TENT5C: variants seen among roughly 807,000 people sequenced by gnomAD.
TENT5C encodes terminal nucleotidyltransferase 5C.
TENT5C carries 5 observed loss-of-function variants against 22.2 expected under a neutral mutation model. The ratio of observed to expected loss-of-function variants is 0.22; its 90% confidence interval spans 0.12 to 0.47. The LOEUF is 0.47. TENT5C is among the 20% of genes least tolerant of loss of function. The pLI is 0.99. For missense variants in TENT5C, 364 were observed against 500.9 expected, an observed-to-expected ratio of 0.73 and a Z score of 2.61; for synonymous variants, 199 against 195.4, an observed-to-expected ratio of 1.02 and a Z score of -0.15.
At position 117,626,914 on chromosome 1, in the gene TENT5C, C is replaced by G. The variant is rs1654026124; in HGVS notation, c.*2870C>G. On this transcript the variant is annotated 3_prime_UTR_variant, in exon 2 of 2. Transcript: ENST00000369448. ...AGCATCAGTGAGATGAAGACAGTAC[C>G]TTTTCCTCTCACATTGGCAGAATAG... The G allele has an allele frequency of 8.1e-6, 2 of 248,028 alleles. No individual in the cohort carries two copies. Among genetic ancestry groups the G allele is most frequent in the Non-Finnish European group, 1.7e-5 (2 of 118,146 alleles). 15.4% of individuals were successfully genotyped at this position (248,028 alleles called of 1,614,324 possible).
intron 1 of TENT5C, among the ~76,000 whole-genome samples, chr1:117,611,619 T>C (rs1337040300): frequency 6.6e-6 from 1 of 152,156 alleles, no homozygotes; most frequent in African/African-American, 2.4e-5. Context: ...GGCAGGAGGA[T>C]CCCTTGAGTC....
chr1:117,607,321 A>G lies in TENT5C; in HGVS notation c.-28+1168A>G, dbSNP rs569406720. Among the ~76,000 whole-genome samples the G allele has an allele frequency of 5.3e-5, 8 of 152,300 alleles. No individual in the cohort carries two copies. In the South Asian group the frequency reaches 1.7e-3, roughly 32 times the overall value. On this transcript the variant is annotated intron_variant, in intron 1 of 1. Transcript: ENST00000369448. ...GGTAGGCTTTTGTAGGGCTCTAACC[A>G]GTTCCCTGGCTTAATTAAGTAGGGG...
chr1:117,615,779 T>A lies in TENT5C; in HGVS notation c.-27-7063T>A, dbSNP rs555400206. On this transcript the variant is annotated intron_variant, in intron 1 of 1. Coordinates refer to ENST00000369448, the MANE Select transcript of TENT5C (RefSeq NM_017709.4). ...TGGTGTCTCTGTGGCAGGGGGCACC[T>A]CTAAGCCACCTGGCATCTTTTGCTT... 3.9e-5 allele frequency among the ~76,000 whole-genome samples: 6 copies of A among 152,358 alleles called. No homozygotes were observed. In the South Asian group the frequency reaches 1.2e-3, roughly 32 times the overall value.
At position 117,624,237 on chromosome 1, in the gene TENT5C, A is replaced by G; in HGVS notation, c.*193A>G. The G allele has an allele frequency of 1.7e-6, 1 of 573,506 alleles. No individual in the cohort carries two copies. The highest frequency in any genetic ancestry group is 2.9e-5 in the East Asian group (1 of 34,956). The allele number at this position is 573,506 out of a possible 1,614,324, so 35.5% of individuals were successfully genotyped here. On this transcript the variant is annotated 3_prime_UTR_variant, in exon 2 of 2. Coordinates refer to ENST00000369448, the MANE Select transcript of TENT5C (RefSeq NM_017709.4). Reference sequence around the variant, plus strand: ...TGTATCATGAGCCAACCCTCAAAGGACCCGTATTACAGTGCCACGTTGGAA... The same window carrying G: ...TGTATCATGAGCCAACCCTCAAAGGGCCCGTATTACAGTGCCACGTTGGAA...
intron 1 of TENT5C, among the ~76,000 whole-genome samples, chr1:117,611,390 G>C (rs1247888006): frequency 1.3e-5 from 2 of 152,222 alleles, no homozygotes; most frequent in African/African-American, 2.4e-5. Context: ...GCTGACTTTA[G>C]CTGTGGGGAG....
At chr1:117,621,670 C>T (rs555684497) in intron 1 of TENT5C, among the ~76,000 whole-genome samples, 1 of 152,228 alleles carries the variant, frequency 6.6e-6, no homozygotes, top group Admixed American at 6.5e-5. Flanking sequence ...TTATGTGGGT[C>T]TAGCAAGTCA....
At chr1:117,614,847 C>T (rs1471118111) in intron 1 of TENT5C, among the ~76,000 whole-genome samples, 1 of 152,172 alleles carries the variant, frequency 6.6e-6, no homozygotes, top group Non-Finnish European at 1.5e-5. Flanking sequence ...TGTGCAGCAC[C>T]TTCCACTCTT....
chr1:117,627,575 G>T lies in TENT5C; in HGVS notation c.*3531G>T, dbSNP rs1014206019. 2 of 248,030 alleles carry T rather than the reference G, an allele frequency of 8.1e-6. No homozygotes were observed. Among genetic ancestry groups the T allele is most frequent in the African/African-American group, 4.4e-5 (2 of 45,340 alleles). 15.4% of individuals were successfully genotyped at this position (248,030 alleles called of 1,614,324 possible). On this transcript the variant is annotated 3_prime_UTR_variant, in exon 2 of 2. Coordinates refer to ENST00000369448, the MANE Select transcript of TENT5C (RefSeq NM_017709.4). ...ACGCTCATAGAGGCCATTCCTTCCTGGGTGTCGGACCAGGGCTCTGTGTCA... is the reference window on the plus strand; with the variant it reads ...ACGCTCATAGAGGCCATTCCTTCCTTGGTGTCGGACCAGGGCTCTGTGTCA...
chr1:117,615,731 C>G (rs753654222), intron 1 of TENT5C, among the ~76,000 whole-genome samples: 6 of 152,226 alleles, frequency 3.9e-5, no homozygotes, highest in Admixed American at 1.3e-4. Context: ...TTCCCACACA[C>G]TATGGCAATA....
chr1:117,621,824 GT>G (rs1391823912), intron 1 of TENT5C, among the ~76,000 whole-genome samples: 1 of 152,108 alleles, frequency 6.6e-6, no homozygotes, highest in African/African-American at 2.4e-5. Flanking sequence ...ATGAGTATTT[GT>G]TTTTATATAT....
chr1:117,612,347 C>CT (rs373447232), intron 1 of TENT5C, among the ~76,000 whole-genome samples: 56,443 of 145,170 alleles, frequency 0.39, 10,995 homozygotes, highest in African/African-American at 0.46. Flanking sequence ...GGTGCTCATT[C>CT]TTTTTTTTTT....
intron 1 of TENT5C, among the ~76,000 whole-genome samples, chr1:117,611,518 T>G (rs1653671543): frequency 6.6e-6 from 1 of 152,156 alleles, no homozygotes; most frequent in Non-Finnish European, 1.5e-5. Flanking sequence ...CACGATTAAC[T>G]TCCTAGTAGT....
In TENT5C at chr1:117,624,032, G is replaced by T; in HGVS notation, c.1164G>T (p.Leu388=). 2 of 1,612,066 alleles carry T rather than the reference G, an allele frequency of 1.2e-6. No individual in the cohort carries two copies. The highest frequency in any genetic ancestry group is 1.7e-6 in the Non-Finnish European group (2 of 1,178,890). ...ACAGCCAGCCTTACCCTACCTGGCT[G>T]CCCTGTAACTAACCTTGAGACCTGA... ...VTYSQPYPTW[L]PCN The change falls in exon 2 of 2, where the codon CTG becomes CTT. Residue 388 remains leucine, a synonymous_variant. Transcript: ENST00000369448.
chr1:117,615,759 T>C (rs1388742268), intron 1 of TENT5C, among the ~76,000 whole-genome samples: 1 of 152,222 alleles, frequency 6.6e-6, no homozygotes, highest in Non-Finnish European at 1.5e-5. Context: ...TTCCTTGGTG[T>C]CTCTGTGGCA....
chr1:117,621,597 C>T (rs900332212), intron 1 of TENT5C, among the ~76,000 whole-genome samples: 2 of 152,082 alleles, frequency 1.3e-5, no homozygotes, highest in African/African-American at 4.8e-5. Context: ...GAATGCATGC[C>T]GATGTGTATT....
intron 1 of TENT5C, among the ~76,000 whole-genome samples, chr1:117,612,585 A>AGCT (rs1489789382): frequency 1.3e-5 from 2 of 152,310 alleles, no homozygotes; most frequent in East Asian, 3.9e-4. Flanking sequence ...GCTAAACATG[A>AGCT]GCTGCTGCTA....
chr1:117,610,822 C>T (rs753498603), intron 1 of TENT5C, among the ~76,000 whole-genome samples: 10 of 152,226 alleles, frequency 6.6e-5, no homozygotes, highest in East Asian at 1.9e-4. Flanking sequence ...CCACCATGCC[C>T]GGCCAATACT....
chr1:117,622,771 G>T, intron 1 of TENT5C, 71 bp from the exon 2 acceptor site: 1 of 1,002,878 alleles, frequency 1.0e-6, no homozygotes, highest in Non-Finnish European at 1.5e-6. Context: ...AGATTAAACA[G>T]TGTGAGTTCC....
rs1653988596 is a variant in TENT5C at position 117,625,513 on chromosome 1, T to C, written c.*1469T>C. ...TGAGATTATGTGTTTTGAAATGTTT[T>C]GTGGGATCCCTTAGAAAGCATCACT... On this transcript the variant is annotated 3_prime_UTR_variant, in exon 2 of 2. Transcript: ENST00000369448. 4.0e-6 allele frequency: 1 copy of C among 248,186 alleles called. No individual in the cohort carries two copies. 15.4% of individuals were successfully genotyped at this position (248,186 alleles called of 1,614,324 possible).
Sources: gnomAD v4.1 joint callset for allele counts (sites outside exome capture counted in the v4.1 genomes callset) on GRCh38, gnomAD v4.1.1 for gene constraint, MANE v1.5 for transcripts, NCBI Gene and HGNC (gene_info 2026-07-23, HGNC 2026-07-21) for gene names.